CACNG6: variants seen among roughly 807,000 people sequenced by gnomAD.
CACNG6 encodes the protein voltage-dependent calcium channel gamma-6 subunit.
Under a neutral mutation model 23.9 loss-of-function variants are expected in CACNG6, and 21 were observed. The observed-to-expected ratio is 0.88, with a 90% confidence interval of 0.62 to 1.26. The LOEUF (loss-of-function observed/expected upper bound fraction) is 1.26. CACNG6 is among the 50% of genes most tolerant of loss of function. The probability of loss-of-function intolerance (pLI) is 0.00; values close to 1 mark genes in which losing one functional copy is unlikely to be tolerated. For missense variants in CACNG6, 340 were observed against 352.9 expected (o/e 0.96, Z 0.29); for synonymous variants, 182 against 168.9 (o/e 1.08, Z -0.60).
chr19:53,997,799 G>A (rs2069535312), intron 1 of CACNG6, among the ~76,000 whole-genome samples: 1 of 152,084 alleles, frequency 6.6e-6, no homozygotes, highest in African/African-American at 2.4e-5. Flanking sequence ...CTCTTTGTGT[G>A]TTCTAGGTAG....
At chr19:53,997,538 C>A (rs2069532699) in intron 1 of CACNG6, among the ~76,000 whole-genome samples, 1 of 152,118 alleles carries the variant, frequency 6.6e-6, no homozygotes, top group Non-Finnish European at 1.5e-5. Context: ...CTAGGAGTAC[C>A]CGTTCATACA....
At chr19:53,998,006 C>T (rs997491637) in intron 1 of CACNG6, among the ~76,000 whole-genome samples, 3 of 152,248 alleles carry the variant, frequency 2.0e-5, no homozygotes, top group Middle Eastern at 3.4e-3. Flanking sequence ...AGGCTAATGG[C>T]GCACTTGGGG....
chr19:53,999,523 T>C (rs1433847920), intron 2 of CACNG6, 111 bp from the exon 3 acceptor site: 9 of 1,276,558 alleles, frequency 7.1e-6, no homozygotes, highest in Non-Finnish European at 9.8e-6. Context: ...ACTTGAAAAT[T>C]CTTCTCTCGT....
chr19:53,992,171 C>T lies in CACNG6; in HGVS notation c.-707C>T, dbSNP rs2069467650. The T allele has an allele frequency of 6.6e-6, 1 of 152,336 alleles. No homozygotes were observed. Among genetic ancestry groups the T allele is most frequent in the Non-Finnish European group, 1.5e-5 (1 of 68,142 alleles). The allele number at this position is 152,336 out of a possible 1,614,324, so 9.4% of individuals were successfully genotyped here. ...GAGCCCCAGCCAGGGCTCTGTTCTT[C>T]TCCTTCTGTGGATGCCGGGGTCCTA... On this transcript the variant is annotated 5_prime_UTR_variant, in exon 1 of 4. Transcript: ENST00000252729. The surrounding 1 kb of genome is among the most constrained non-coding windows in gnomAD (Gnocchi z 4.1).
At chr19:54,009,783 T>TTA (rs1555819568) in intron 3 of CACNG6, among the ~76,000 whole-genome samples, 22 of 147,528 alleles carry the variant, frequency 1.5e-4, no homozygotes, top group East Asian at 6.2e-4. Context: ...TTGCTTTTTT[T>TTA]AAAAAAAAAA....
At chr19:53,996,367 G>A (rs2069520584) in intron 1 of CACNG6, among the ~76,000 whole-genome samples, 1 of 149,064 alleles carries the variant, frequency 6.7e-6, no homozygotes, top group Admixed American at 6.8e-5. Context: ...TCCTTTTTCT[G>A]TCTTTCTTAA....
Position 53,992,920 on chromosome 19 carries a change from CG to C in CACNG6, c.49del (p.Ala17ProfsTer15). ...NFFLQEENRR[R>X]GAAGRRRAHG... ...CTTCCTGCAAGAGGAGAACCGGCGG[CG>C]GGGGGCCGCGGGCCGGCGGCGGGCG... is the stretch of plus-strand genomic sequence containing the variant. On this transcript the variant is annotated frameshift_variant, in exon 1 of 4. Coordinates refer to ENST00000252729, the MANE Select transcript of CACNG6 (RefSeq NM_145814.2). LOFTEE classifies it high-confidence loss of function. This position sits in a 1 kb window ranked among gnomAD's most constrained non-coding sequence, Gnocchi z 4.1. The C allele has an allele frequency of 2.1e-6, 3 of 1,399,620 alleles. No homozygotes were observed. Among genetic ancestry groups the C allele is most frequent in the Non-Finnish European group, 2.8e-6 (3 of 1,079,866 alleles). The allele number at this position is 1,399,620 out of a possible 1,614,324, so 86.7% of individuals were successfully genotyped here. A position where few individuals can be genotyped will look rare whatever the true frequency, so the allele number is the denominator to read the frequency against.
intron 1 of CACNG6, among the ~76,000 whole-genome samples, chr19:53,995,731 G>C (rs377307704): frequency 2.6e-4 from 40 of 152,256 alleles, no homozygotes; most frequent in African/African-American, 9.6e-4. Context: ...GCACGATCTC[G>C]GCCCACTGCA....
chr19:53,998,558 C>T (rs1475742439), intron 2 of CACNG6, among the ~76,000 whole-genome samples: 1 of 145,894 alleles, frequency 6.9e-6, no homozygotes, highest in East Asian at 2.0e-4. Flanking sequence ...GTCACCCAGG[C>T]TGGAGTGCAG....
chr19:54,006,807 C>T (rs900409312), intron 3 of CACNG6, among the ~76,000 whole-genome samples: 1 of 151,600 alleles, frequency 6.6e-6, no homozygotes, highest in Admixed American at 6.6e-5. Context: ...AGTATTGGGA[C>T]TACAGCCGTG....
chr19:53,998,719 C>A (rs1258873303), intron 2 of CACNG6, among the ~76,000 whole-genome samples: 1 of 152,036 alleles, frequency 6.6e-6, no homozygotes, highest in African/African-American at 2.4e-5. Flanking sequence ...ACCATGTTGA[C>A]CAGGCTGGTC....
rs905785937 is a variant in CACNG6, at chr19:53,992,154, G to A, written c.-724G>A. On this transcript the variant is annotated 5_prime_UTR_variant, in exon 1 of 4. Transcript: ENST00000252729. The surrounding 1 kb of genome is among the most constrained non-coding windows in gnomAD (Gnocchi z 4.1). ...AGGCCCAGTCCTCTTCTGAGCCCCA[G>A]CCAGGGCTCTGTTCTTCTCCTTCTG... 6.6e-6 allele frequency: 1 copy of A among 152,368 alleles called. No homozygotes were observed. The highest frequency in any genetic ancestry group is 1.5e-5 in the Non-Finnish European group (1 of 68,194). The allele number at this position is 152,368 out of a possible 1,614,324, so 9.4% of individuals were successfully genotyped here.
intron 3 of CACNG6, among the ~76,000 whole-genome samples, chr19:54,010,056 T>TG (rs1429397085): frequency 6.7e-6 from 1 of 148,470 alleles, no homozygotes; most frequent in Non-Finnish European, 1.5e-5. Flanking sequence ...TTTTTTTTTT[T>TG]GTTGCCCAGG....
chr19:54,010,567 A>G (rs1451613319), intron 3 of CACNG6, among the ~76,000 whole-genome samples: 2 of 151,898 alleles, frequency 1.3e-5, no homozygotes, highest in African/African-American at 2.4e-5. Flanking sequence ...TTTATTTTCA[A>G]TTTTTATTTA....
At chr19:53,998,213 C>A in intron 1 of CACNG6, 26 bp from the exon 2 acceptor site, 2 of 1,606,330 alleles carry the variant, frequency 1.2e-6, no homozygotes, top group Non-Finnish European at 1.7e-6. Flanking sequence ...ATCCTCATGT[C>A]TGTTTTCTCT....
At chr19:53,996,986 A>G (rs1481966919) in intron 1 of CACNG6, among the ~76,000 whole-genome samples, 1 of 147,762 alleles carries the variant, frequency 6.8e-6, no homozygotes, top group African/African-American at 2.5e-5. Context: ...CTCTTGCCTC[A>G]GCCTCCCGAG....
In CACNG6 at chr19:54,011,190, T is replaced by TAAAAAAAAAAAAAA. The variant is rs142489178; in HGVS notation, c.545-758_545-745dup. 2.4e-4 allele frequency among the ~76,000 whole-genome samples: 14 copies of TAAAAAAAAAAAAAA among 59,216 alleles called. 1 individual carries two copies. The highest frequency in any genetic ancestry group is 1.4e-3 in the East Asian group (2 of 1,452). 38.8% of individuals were successfully genotyped at this position (59,216 alleles called of 152,430 possible). On this transcript the variant is annotated intron_variant, in intron 3 of 3. Transcript: ENST00000252729. ...CAACATGGTGAAACCCCGTCTCTAC[T>TAAAAAAAAAAAAAA]AAAAAAAAAAAAAAAATATATATAT...
rs916837244 is a variant in CACNG6, at chr19:54,005,855, C to T, written c.544+6084C>T. On this transcript the variant is annotated intron_variant, in intron 3 of 3. Coordinates refer to ENST00000252729, the MANE Select transcript of CACNG6 (RefSeq NM_145814.2). ...CCTGTTATCCCATAACTTTGGGAGC[C>T]GAGGCTGGCAGATCACTTAAGGCCA... Among the ~76,000 whole-genome samples the T allele has an allele frequency of 2.0e-5, 3 of 150,938 alleles. No individual in the cohort carries two copies. The East Asian group carries it at 5.9e-4, about 30-fold the overall frequency.
At chr19:54,000,496 A>G (rs2069564534) in intron 3 of CACNG6, among the ~76,000 whole-genome samples, 1 of 152,246 alleles carries the variant, frequency 6.6e-6, no homozygotes, top group Non-Finnish European at 1.5e-5. Context: ...GCCCTCAGTA[A>G]TAAACAACAC....
Sources: allele counts gnomAD v4.1 joint callset (sites outside exome capture counted in the v4.1 genomes callset), GRCh38; gene constraint gnomAD v4.1.1; non-coding constraint Gnocchi (gnomAD v3.1); transcripts MANE v1.5; gene names NCBI Gene and HGNC (gene_info 2026-07-23, HGNC 2026-07-21).